Variants in COL12A1 observed in about 807,000 individuals in gnomAD.
COL12A1 encodes the protein collagen alpha-1(XII) chain.
Under a neutral mutation model 349.7 loss-of-function variants are expected in COL12A1, and 114 were observed. The ratio of observed to expected loss-of-function variants is 0.33; its 90% CI spans 0.28 to 0.38. COL12A1 has a LOEUF of 0.38. Ranked by LOEUF, COL12A1 falls within the 10% of genes least tolerant of loss-of-function variation. The pLI, the probability that COL12A1 is intolerant of heterozygous loss-of-function variation, is 1.00. For synonymous variants in COL12A1, 1,369 were observed against 1,329.0 expected (o/e 1.03, Z -0.66); for missense variants, 3,284 against 3,756.9 (o/e 0.87, Z 3.29).
Position 75,109,153 on chromosome 6 carries a change from C to A in COL12A1, c.7965G>T (p.Val2655=), listed in dbSNP as rs143293591. The A allele has an allele frequency of 1.9e-6, 3 of 1,587,522 alleles. No homozygotes were observed. The highest frequency in any genetic ancestry group is 1.1e-5 in the South Asian group (1 of 87,558). The change falls in exon 52 of 66, where the codon GTG becomes GTT. Residue 2655 remains valine, a synonymous_variant. Transcript: ENST00000322507. ...TGTAAATCTTAACACTTTTTGAGGT[C>A]ACTACAATATGAACCTAAAAAGATA... The part of the protein sequence containing the change: ...YGSFHKVHIV[V]TSKSVKIYID...
chr6:75,123,482 T>C, intron 42 of COL12A1, 78 bp from the exon 43 acceptor site: 3 of 1,167,924 alleles, frequency 2.6e-6, no homozygotes, highest in Non-Finnish European at 2.4e-6. Context: ...TTAAGAGCAA[T>C]TTAAATCCTG....
intron 51 of COL12A1, 174 bp downstream of exon 51, chr6:75,113,030 A>C: frequency 7.5e-6 from 3 of 398,206 alleles, no homozygotes; most frequent in Non-Finnish European, 1.3e-5. Flanking sequence ...TCTCTTGATT[A>C]GTATATTGTT....
intron 8 of COL12A1, among the ~76,000 whole-genome samples, chr6:75,186,847 C>T (rs555869944): frequency 6.6e-6 from 1 of 152,148 alleles, no homozygotes; most frequent in East Asian, 1.9e-4. Flanking sequence ...GGCCATTATC[C>T]TTAGCAAACT....
At chr6:75,096,628 G>A (rs981235633) in intron 59 of COL12A1, among the ~76,000 whole-genome samples, 1 of 152,190 alleles carries the variant, frequency 6.6e-6, no homozygotes, top group South Asian at 2.1e-4. Context: ...CGGGCGCGGT[G>A]GCTCACGCCT....
At chr6:75,130,001 G>T in intron 37 of COL12A1, 90 bp downstream of exon 37, 1 of 1,437,652 alleles carries the variant, frequency 7.0e-7, no homozygotes, top group Non-Finnish European at 9.5e-7. Context: ...GGACTCAACC[G>T]TACTCACAGC....
intron 1 of COL12A1, among the ~76,000 whole-genome samples, chr6:75,203,217 G>C (rs1479115326): frequency 6.6e-6 from 1 of 152,022 alleles, no homozygotes; most frequent in East Asian, 1.9e-4. Flanking sequence ...TTTTTTCCTA[G>C]CTGATGAACT....
At chr6:75,120,813 T>TA (rs943023467) in intron 44 of COL12A1, among the ~76,000 whole-genome samples, 10 of 152,156 alleles carry the variant, frequency 6.6e-5, no homozygotes, top group African/African-American at 2.2e-4. Context: ...GTTATCCTTT[T>TA]AAAAAAACAA....
intron 30 of COL12A1, 42 bp downstream of exon 30, chr6:75,138,278 A>G: frequency 2.6e-6 from 4 of 1,550,492 alleles, no homozygotes; most frequent in Non-Finnish European, 3.5e-6. Context: ...ACATTCATTC[A>G]TTATTTGTTC....
chr6:75,114,995 G>A (rs1335289074), intron 49 of COL12A1, among the ~76,000 whole-genome samples: 1 of 152,062 alleles, frequency 6.6e-6, no homozygotes, highest in Non-Finnish European at 1.5e-5. Context: ...AGCCAACATG[G>A]TTAACCATTA....
intron 1 of COL12A1, among the ~76,000 whole-genome samples, chr6:75,203,812 G>A (rs1770644583): frequency 2.0e-5 from 3 of 152,212 alleles, no homozygotes; most frequent in Non-Finnish European, 2.9e-5. Context: ...CTGGGAAGTT[G>A]CCAGTGGCAA....
intron 13 of COL12A1, among the ~76,000 whole-genome samples, chr6:75,174,480 A>C (rs917327527): frequency 9.9e-5 from 15 of 152,208 alleles, no homozygotes; most frequent in Non-Finnish European, 2.1e-4. Flanking sequence ...GGCGTGAACC[A>C]TAGAGGCAGA....
Position 75,113,714 on chromosome 6 carries a change from T to G in COL12A1, c.7728A>C (p.Ser2576=), listed in dbSNP as rs1768945544. The G allele has an allele frequency of 1.9e-6, 3 of 1,599,172 alleles. No homozygotes were observed. The highest frequency in any genetic ancestry group is 1.1e-5 in the South Asian group (1 of 88,764). The part of the protein sequence containing the change: ...ADLHPNGLPP[S]YTIILLFRLL... ...GTCTGAATAATAATATAATCGTGTA[T>G]GAAGGAGGGAGTCCATTTGGGTGTA... Residue 2576 remains serine (S), a synonymous_variant, in exon 50 of 66, where the codon TCA becomes TCC. Coordinates refer to ENST00000322507, the MANE Select transcript of COL12A1 (RefSeq NM_004370.6).
At chr6:75,125,635 ATTT>A (rs925190264) in intron 39 of COL12A1, among the ~76,000 whole-genome samples, 28 of 152,222 alleles carry the variant, frequency 1.8e-4, no homozygotes, top group African/African-American at 6.5e-4. Flanking sequence ...TGTAGAGATA[ATTT>A]AAGAATTTCT....
rs757917876 is a variant in COL12A1, at chr6:75,155,848, C to A, written c.3257G>T (p.Arg1086Leu). Residue 1086 changes from arginine (R) to leucine (L), a missense_variant, in exon 16 of 66, where the codon CGG becomes CTG. Physicochemically the swap from Arg to Leu is moderately radical, Grantham distance 102. Transcript: ENST00000322507. ...TTTGAGGTTTCTAGGAGACTTAAAC[C>A]GAGAAGCTGTAAAGACAAAAAGATT... ...LRQGSGTTAS[R>L]FKSPRNLKTS... 10 of 1,592,850 alleles carry A rather than the reference C, an allele frequency of 6.3e-6. No individual in the cohort carries two copies. In the South Asian group the frequency reaches 1.0e-4, roughly 16 times the overall value.
chr6:75,117,669 T>A, intron 46 of COL12A1, 123 bp from the exon 47 acceptor site: 1 of 960,314 alleles, frequency 1.0e-6, no homozygotes, highest in Non-Finnish European at 1.5e-6. Flanking sequence ...AGCAAGTCCT[T>A]TTACTTGACG....
At chr6:75,096,712 G>T (rs918618993) in intron 59 of COL12A1, among the ~76,000 whole-genome samples, 1 of 151,932 alleles carries the variant, frequency 6.6e-6, no homozygotes, top group African/African-American at 2.4e-5. Flanking sequence ...CCGGCTAAAA[G>T]GGTGAAACCC....
At position 75,133,298 on chromosome 6, in the gene COL12A1, C is replaced by T. The variant is rs1766402326; in HGVS notation, c.5789G>A (p.Arg1930Lys). 1 of 1,582,248 alleles carries T rather than the reference C, an allele frequency of 6.3e-7. No individual in the cohort carries two copies. ...TTTTTGGCTTTATTACTTACATGTC[C>T]TTCCAGTATCTGATGTGCGTCCCCC... ...GDGGRTSDTG[R>K]TLMRGLARNV... is the part of the protein sequence containing the mutation. Residue 1930 changes from arginine (R) to lysine (K), a missense_variant, in exon 34 of 66, where the codon AGG (arginine) becomes AAG (lysine). Physicochemically the swap from Arg to Lys is conservative, Grantham distance 26. Coordinates refer to ENST00000322507, the MANE Select transcript of COL12A1 (RefSeq NM_004370.6).
At chr6:75,120,680 A>G (rs1769311761) in intron 44 of COL12A1, among the ~76,000 whole-genome samples, 1 of 152,170 alleles carries the variant, frequency 6.6e-6, no homozygotes, top group Non-Finnish European at 1.5e-5. Context: ...GGGTCTTTTA[A>G]CTGTGTTAGG....
In COL12A1 at chr6:75,090,126, T is replaced by C. The variant is rs190820180; in HGVS notation, c.8925A>G (p.Gly2975=). ...AATGCCTACCTCGTTCCCCAGGGGG[T>C]CCCTGCATCCCTGGTGTGCCCGGGA... ...PGFPGTPGMQ[G]PPGERGLPGE... The change falls in exon 63 of 66, where the codon GGA becomes GGG. Residue 2975 remains glycine (G), a synonymous_variant. Coordinates refer to ENST00000322507, the MANE Select transcript of COL12A1 (RefSeq NM_004370.6). The surrounding 1 kb of genome is among the most constrained non-coding windows in gnomAD (Gnocchi z 4.1). 632 of 1,613,376 alleles carry C rather than the reference T, an allele frequency of 3.9e-4. 7 individuals carry two copies. In the East Asian group the frequency reaches 0.011, roughly 29 times the overall value.
Sources: allele counts gnomAD v4.1 joint callset (sites outside exome capture counted in the v4.1 genomes callset), GRCh38; gene constraint gnomAD v4.1.1; non-coding constraint Gnocchi (gnomAD v3.1); transcripts MANE v1.5; gene names NCBI Gene and HGNC (gene_info 2026-07-23, HGNC 2026-07-21).